The following GPC5 variants were observed in gnomAD, a reference collection of about 807,000 sequenced individuals.
GPC5 encodes glypican 5.
A neutral mutation model predicts 53.9 loss-of-function variants in GPC5; 47 were observed. The ratio of observed to expected loss-of-function variants is 0.87; its 90% CI spans 0.69 to 1.11. The LOEUF is 1.11. Ranked by LOEUF, GPC5 falls within the 50% of genes most tolerant of loss-of-function variation. The pLI, the probability that GPC5 is intolerant of heterozygous loss-of-function variation, is 0.00. For synonymous variants in GPC5, 286 were observed against 263.3 expected (o/e 1.09, Z -0.84); for missense variants, 748 against 713.1 (o/e 1.05, Z -0.56).
chr13:91,569,438 C>G (rs2031684031), intron 2 of GPC5, among the ~76,000 whole-genome samples: 1 of 152,110 alleles, frequency 6.6e-6, no homozygotes, highest in Non-Finnish European at 1.5e-5. Flanking sequence ...CAGATATACT[C>G]TACATCAGTT....
At chr13:92,660,167 G>C (rs1886286070) in intron 7 of GPC5, among the ~76,000 whole-genome samples, 1 of 152,040 alleles carries the variant, frequency 6.6e-6, no homozygotes. Flanking sequence ...TATAGTCTTG[G>C]TGTATGATTT....
At chr13:91,487,160 T>G (rs1297383313) in intron 2 of GPC5, among the ~76,000 whole-genome samples, 1 of 152,024 alleles carries the variant, frequency 6.6e-6, no homozygotes, top group Non-Finnish European at 1.5e-5. Context: ...CATACAAAAT[T>G]TATTTAACGT....
intron 7 of GPC5, among the ~76,000 whole-genome samples, chr13:92,563,006 A>T (rs1288517914): frequency 6.6e-6 from 1 of 152,074 alleles, no homozygotes; most frequent in Non-Finnish European, 1.5e-5. Flanking sequence ...TGTAACAGCA[A>T]GAAGAAGATA....
At chr13:91,812,659 CACAG>C (rs2138808262) in intron 5 of GPC5, among the ~76,000 whole-genome samples, 1 of 152,254 alleles carries the variant, frequency 6.6e-6, no homozygotes, top group Admixed American at 6.5e-5. Context: ...TTCAGTATTT[CACAG>C]TTTCCTGTGT....
At chr13:92,353,246 G>A (rs1170926929) in intron 7 of GPC5, among the ~76,000 whole-genome samples, 3 of 124,570 alleles carry the variant, frequency 2.4e-5, no homozygotes, top group South Asian at 2.8e-4. Context: ...TGGCCTGGGC[G>A]ACAGAGCGAG....
chr13:92,260,295 A>G (rs1362571202), intron 7 of GPC5, among the ~76,000 whole-genome samples: 1 of 152,050 alleles, frequency 6.6e-6, no homozygotes, highest in African/African-American at 2.4e-5. Context: ...TTCCTAACTC[A>G]CTTCTAAGCC....
intron 7 of GPC5, among the ~76,000 whole-genome samples, chr13:92,368,819 T>A (rs968472553): frequency 5.3e-5 from 8 of 152,114 alleles, no homozygotes; most frequent in African/African-American, 1.9e-4. Flanking sequence ...GGTATATGAC[T>A]AATTAAGTTA....
intron 7 of GPC5, among the ~76,000 whole-genome samples, chr13:92,707,692 G>A (rs1887997989): frequency 6.6e-6 from 1 of 151,960 alleles, no homozygotes; most frequent in Non-Finnish European, 1.5e-5. Flanking sequence ...GACCAGCCAG[G>A]TTGTAATGAA....
At chr13:92,746,393 T>C (rs1030368585) in intron 7 of GPC5, among the ~76,000 whole-genome samples, 3 of 152,134 alleles carry the variant, frequency 2.0e-5, no homozygotes, top group Non-Finnish European at 4.4e-5. Context: ...ATTAACAATA[T>C]TTTCTTTAGA....
At chr13:92,816,090 T>A (rs887244633) in intron 7 of GPC5, among the ~76,000 whole-genome samples, 1 of 151,982 alleles carries the variant, frequency 6.6e-6, no homozygotes, top group Non-Finnish European at 1.5e-5. Context: ...TTCAAGTCAT[T>A]AATGAAAGTT....
chr13:91,693,078 A>G, intron 2 of GPC5, 109 bp from the exon 3 acceptor site: 1 of 802,386 alleles, frequency 1.2e-6, no homozygotes, highest in Non-Finnish European at 2.0e-6. Flanking sequence ...GAGAGTTACA[A>G]TTTAGATACT....
At chr13:91,980,738 A>G (rs1241225134) in intron 6 of GPC5, among the ~76,000 whole-genome samples, 2 of 152,212 alleles carry the variant, frequency 1.3e-5, no homozygotes, top group Non-Finnish European at 1.5e-5. Flanking sequence ...CACCCAGATC[A>G]AAAATTAAAC....
chr13:92,263,512 T>C (rs1175463762), intron 7 of GPC5, among the ~76,000 whole-genome samples: 1 of 152,174 alleles, frequency 6.6e-6, no homozygotes, highest in African/African-American at 2.4e-5. Context: ...TCTCTAAGGA[T>C]AATATTCCCT....
At chr13:92,434,283 GA>G (rs1877212542) in intron 7 of GPC5, among the ~76,000 whole-genome samples, 1 of 152,022 alleles carries the variant, frequency 6.6e-6, no homozygotes, top group Non-Finnish European at 1.5e-5. Flanking sequence ...CAACCACTAA[GA>G]AATGACTATT....
At chr13:92,434,020 T>C (rs1877201423) in intron 7 of GPC5, among the ~76,000 whole-genome samples, 2 of 152,160 alleles carry the variant, frequency 1.3e-5, no homozygotes, top group African/African-American at 2.4e-5. Flanking sequence ...GAGAAAATTT[T>C]TGGAAATTAT....
At chr13:91,427,740 A>G (rs1879154720) in intron 1 of GPC5, among the ~76,000 whole-genome samples, 2 of 152,130 alleles carry the variant, frequency 1.3e-5, no homozygotes. Flanking sequence ...GGGTGGAATT[A>G]TATGGTTTGG....
chr13:92,819,385 C>T (rs1222099816), intron 7 of GPC5, among the ~76,000 whole-genome samples: 1 of 152,064 alleles, frequency 6.6e-6, no homozygotes, highest in Non-Finnish European at 1.5e-5. Flanking sequence ...GAAGTTGGCC[C>T]TACAAAACAA....
intron 4 of GPC5, among the ~76,000 whole-genome samples, chr13:91,743,473 C>G (rs1166577772): frequency 6.6e-6 from 1 of 152,084 alleles, no homozygotes; most frequent in East Asian, 1.9e-4. Context: ...TTATCTTCTA[C>G]TTTGTTTTTC....
chr13:92,038,259 C>T (rs1420050504), intron 6 of GPC5, among the ~76,000 whole-genome samples: 2 of 151,488 alleles, frequency 1.3e-5, no homozygotes, highest in Admixed American at 1.3e-4. Context: ...TATCAGAGAT[C>T]GGTACTAAAG....
Sources: gnomAD v4.1 joint callset for allele counts (sites outside exome capture counted in the v4.1 genomes callset) on GRCh38, gnomAD v4.1.1 for gene constraint, MANE v1.5 for transcripts, NCBI Gene and HGNC (gene_info 2026-07-23, HGNC 2026-07-21) for gene names.